SQSTM1: variants seen among roughly 807,000 people sequenced by gnomAD.
The protein encoded by SQSTM1 is sequestosome-1.
In SQSTM1, 36 loss-of-function variants were observed where a neutral mutation model predicts 45.1. That is an observed-to-expected ratio of 0.80 (90% CI 0.61 to 1.05). The LOEUF is 1.05. Ranked by LOEUF, SQSTM1 falls within the 50% of genes least tolerant of loss-of-function variation. SQSTM1 has a pLI of 0.00. For missense variants in SQSTM1, 617 were observed against 607.1 expected (o/e 1.02, Z -0.17); for synonymous variants, 290 against 244.3 (o/e 1.19, Z -1.74).
In SQSTM1 at chr5:179,821,112, G is replaced by A. The variant is rs1316658066; in HGVS notation, c.176G>A (p.Arg59Gln). Residue 59 changes from arginine to glutamine, a missense_variant, in exon 1 of 8, where the codon CGG becomes CAG. Transcript: ENST00000389805. ...SRVAALFPAL[R>Q]PGGFQAHYRD... Reference sequence around the variant, plus strand: ...GTGGCCGCCCTGTTCCCCGCGCTGCGGCCTGGCGGCTTCCAGGCGCACTAC... The same window carrying A: ...GTGGCCGCCCTGTTCCCCGCGCTGCAGCCTGGCGGCTTCCAGGCGCACTAC... 7.2e-7 allele frequency: 1 copy of A among 1,388,220 alleles called. No individual in the cohort carries two copies. Among genetic ancestry groups the A allele is most frequent in the Non-Finnish European group, 9.3e-7 (1 of 1,074,660 alleles). 86.0% of individuals were successfully genotyped at this position (1,388,220 alleles called of 1,614,324 possible).
chr5:179,834,731 TA>T (rs1441040036), intron 7 of SQSTM1, among the ~76,000 whole-genome samples: 2 of 152,208 alleles, frequency 1.3e-5, no homozygotes, highest in South Asian at 4.1e-4. Flanking sequence ...GGGTTGGGGG[TA>T]AGGTCACAGA....
In SQSTM1 at chr5:179,833,712, C is replaced by T. The variant is rs764810220; in HGVS notation, c.1095C>T (p.Ser365=). 3.1e-6 allele frequency: 5 copies of T among 1,614,202 alleles called. No individual in the cohort carries two copies. The highest frequency in any genetic ancestry group is 8.5e-7 in the Non-Finnish European group (1 of 1,180,040). ...AGATGCCAGAATCCGAAGGGCCAAG[C>T]TCTCTGGACCCCTCCCAGGAGGGAC... ...SLQMPESEGP[S]SLDPSQEGPT... Residue 365 remains serine, a synonymous_variant, in exon 7 of 8, where the codon AGC becomes AGT. Transcript: ENST00000389805.
At position 179,837,763 on chromosome 5, in the gene SQSTM1, C is replaced by G. The variant is rs1561612380; in HGVS notation, c.*1170C>G. 1 of 1,614,128 alleles carries G rather than the reference C, an allele frequency of 6.2e-7. No homozygotes were observed. The highest frequency in any genetic ancestry group is 8.5e-7 in the Non-Finnish European group (1 of 1,180,056). On this transcript the variant is annotated 3_prime_UTR_variant, in exon 8 of 8. Coordinates refer to ENST00000389805, the MANE Select transcript of SQSTM1 (RefSeq NM_003900.5). The stretch of plus-strand genomic sequence containing the variant: ...ATTTAGAGGATGTGGCTGTAACCTG[C>G]TGGATGGGACTCCATAGCTCCTTCC...
At chr5:179,816,161 CTTTGT>C (rs552855181), upstream of SQSTM1, among the ~76,000 whole-genome samples, 18 of 152,160 alleles carry the variant, frequency 1.2e-4, no homozygotes, top group South Asian at 2.1e-4. Flanking sequence ...AGAAGGTTTT[CTTTGT>C]TTTGTTTTGT....
chr5:179,833,492 GC>G (rs1394024387), intron 6 of SQSTM1, 94 bp from the exon 7 acceptor site: 2 of 1,345,250 alleles, frequency 1.5e-6, no homozygotes, highest in Non-Finnish European at 2.1e-6. Context: ...ACGTGTGCAT[GC>G]GTGCTCCCCG....
At position 179,823,906 on chromosome 5, in the gene SQSTM1, C is replaced by T. The variant is rs147810437; in HGVS notation, c.350C>T (p.Ala117Val). The stretch of plus-strand genomic sequence containing the variant: ...CACCGCCCACCGTGTGCTCAGGAGG[C>T]GCCCCGCAACATGGTGCACCCCAAT... ...RDHRPPCAQEAPRNMVHPNVI... is the reference protein window; with the variant it reads ...RDHRPPCAQEVPRNMVHPNVI... Residue 117 changes from alanine (A) to valine (V), a missense_variant, in exon 3 of 8, where the codon GCG (alanine) becomes GTG (valine). By Grantham distance (64) the Ala-to-Val change is moderately conservative (BLOSUM62 0). Transcript: ENST00000389805. 1.3e-3 allele frequency: 2,053 copies of T among 1,613,458 alleles called. 3 individuals carry two copies. The highest frequency in any genetic ancestry group is 1.3e-3 in the Non-Finnish European group (1,490 of 1,180,028).
chr5:179,837,553 G>A lies in SQSTM1; in HGVS notation c.*960G>A, dbSNP rs144080871. On this transcript the variant is annotated 3_prime_UTR_variant, in exon 8 of 8. Coordinates refer to ENST00000389805, the MANE Select transcript of SQSTM1 (RefSeq NM_003900.5). ...GCCTCTCAGACCCAGATGTGACGGG[G>A]TGTGTGGCCCGAGGAAGCTGGACAG... is the stretch of plus-strand genomic sequence containing the variant. 1.4e-4 allele frequency: 220 copies of A among 1,614,242 alleles called. No homozygotes were observed. In the African/African-American group the frequency reaches 2.8e-3, roughly 21 times the overall value.
upstream of SQSTM1, among the ~76,000 whole-genome samples, chr5:179,817,321 G>A (rs1309034789): frequency 6.6e-6 from 1 of 152,174 alleles, no homozygotes; most frequent in African/African-American, 2.4e-5. Flanking sequence ...AGACACCGCC[G>A]GGCGTTCGTC....
upstream of SQSTM1, among the ~76,000 whole-genome samples, chr5:179,817,131 C>A (rs1275529727): frequency 1.4e-5 from 2 of 146,944 alleles, no homozygotes; most frequent in African/African-American, 4.9e-5. Context: ...CTGGCGTCGC[C>A]GCTCGGGTGG....
At chr5:179,822,795 A>C in intron 1 of SQSTM1, 163 bp from the exon 2 acceptor site, 1 of 701,240 alleles carries the variant, frequency 1.4e-6, no homozygotes, top group East Asian at 2.8e-5. Flanking sequence ...TGCCAGAGCA[A>C]GGGGGTAGTC....
At chr5:179,823,460 A>C (rs1757864406) in intron 2 of SQSTM1, 1 of 222,428 alleles carries the variant, frequency 4.5e-6, no homozygotes, top group African/African-American at 2.4e-5. Context: ...AAAAAAAAAA[A>C]AAAAAAAAAA....
intron 5 of SQSTM1, among the ~76,000 whole-genome samples, chr5:179,827,002 A>G (rs1385203021): frequency 6.6e-6 from 1 of 152,160 alleles, no homozygotes; most frequent in Non-Finnish European, 1.5e-5. Context: ...GGTCTGAGAG[A>G]TTGCCGGTGA....
upstream of SQSTM1, among the ~76,000 whole-genome samples, chr5:179,814,622 G>GA (rs1757526639): frequency 6.6e-6 from 1 of 152,228 alleles, no homozygotes; most frequent in Admixed American, 6.5e-5. Context: ...TTGGCAAAGA[G>GA]AAAGAGAGCT....
At chr5:179,816,689 G>T (rs1341369843), upstream of SQSTM1, among the ~76,000 whole-genome samples, 1 of 152,124 alleles carries the variant, frequency 6.6e-6, no homozygotes, top group African/African-American at 2.4e-5. Context: ...GTCCCCCCAG[G>T]CGCCACTGAG....
intron 1 of SQSTM1, chr5:179,807,844 G>A (rs1451494579): frequency 7.2e-5 from 11 of 152,264 alleles, no homozygotes; most frequent in Admixed American, 2.6e-4. Context: ...GTAGACACGA[G>A]GTTTCACCGT....
In SQSTM1 at chr5:179,806,620, G is replaced by A; in HGVS notation, c.-157+29G>A. Reference sequence around the variant, plus strand: ...CGCGGCGGGCGCCCGCGGGGCCGAGGCTGCATGGCCCGGGGGACCGGGGCC... The same window carrying A: ...CGCGGCGGGCGCCCGCGGGGCCGAGACTGCATGGCCCGGGGGACCGGGGCC... On this transcript the variant is annotated intron_variant, in intron 1 of 5. Transcript: ENST00000514093. This position sits in a 1 kb window ranked among gnomAD's most constrained non-coding sequence, Gnocchi z 4.6. 2 of 1,150,314 alleles carry A rather than the reference G, an allele frequency of 1.7e-6. No individual in the cohort carries two copies. The highest frequency in any genetic ancestry group is 2.2e-6 in the Non-Finnish European group (2 of 900,860). The allele number at this position is 1,150,314 out of a possible 1,614,324, so 71.3% of individuals were successfully genotyped here.
At position 179,821,056 on chromosome 5, in the gene SQSTM1, T is replaced by A. The variant is rs999248541; in HGVS notation, c.120T>A (p.Gly40=). Residue 40 remains glycine, a synonymous_variant, in exon 1 of 8, where the codon GGT becomes GGA. Transcript: ENST00000389805. ...AGGCGGAAGCCGAGGCTGCGGCGGG[T>A]CCGGGACCCTGCGAGCGGCTGCTGA... The part of the protein sequence containing the change: ...EPEAEAEAAA[G]PGPCERLLSR... 6.6e-7 allele frequency: 1 copy of A among 1,506,888 alleles called. No individual in the cohort carries two copies. The highest frequency in any genetic ancestry group is 8.8e-7 in the Non-Finnish European group (1 of 1,134,126). The allele number at this position is 1,506,888 out of a possible 1,614,324, so 93.3% of individuals were successfully genotyped here.
rs1322926992 is a variant in SQSTM1 at position 179,837,697 on chromosome 5, C to T, written c.*1104C>T. The T allele has an allele frequency of 1.2e-6, 2 of 1,614,242 alleles. No individual in the cohort carries two copies. Among genetic ancestry groups the T allele is most frequent in the Non-Finnish European group, 1.7e-6 (2 of 1,180,050 alleles). On this transcript the variant is annotated 3_prime_UTR_variant, in exon 8 of 8. Transcript: ENST00000389805. ...GAAGAGACCTTGGCTGCTCACTGTC[C>T]ACATGTGAACTTTTTCTAGGTGGCA...
chr5:179,831,395 C>T (rs145149687), intron 5 of SQSTM1, among the ~76,000 whole-genome samples: 1,541 of 152,326 alleles, frequency 0.01, 29 homozygotes, highest in African/African-American at 0.035. Context: ...GGTGCAGTGG[C>T]TCATGCCTGT....
Sources: gnomAD v4.1 joint callset for allele counts (sites outside exome capture counted in the v4.1 genomes callset) on GRCh38, gnomAD v4.1.1 for gene constraint, Gnocchi (gnomAD v3.1) non-coding constraint, MANE v1.5 for transcripts, NCBI Gene and HGNC (gene_info 2026-07-23, HGNC 2026-07-21) for gene names.